Variants in RANGAP1 observed in about 807,000 individuals in gnomAD.
The protein encoded by RANGAP1 is Ran GTPase activating protein 1.
A neutral mutation model predicts 63.5 loss-of-function variants in RANGAP1; 38 were observed. That is an observed-to-expected ratio of 0.60 (90% CI 0.46 to 0.78). RANGAP1 has a LOEUF of 0.78. Among genes scored for constraint, RANGAP1 ranks in the 30% least tolerant of loss-of-function variants. The probability of loss-of-function intolerance (pLI) is 0.00; values close to 1 mark genes in which losing one functional copy is unlikely to be tolerated. For synonymous variants in RANGAP1, 329 were observed against 310.5 expected (o/e 1.06, Z -0.63); for missense variants, 630 against 740.3 (o/e 0.85, Z 1.73).
At chr22:41,287,643 GAGCA>G (rs2035785637), upstream of RANGAP1, among the ~76,000 whole-genome samples, 1 of 150,986 alleles carries the variant, frequency 6.6e-6, no homozygotes, top group Admixed American at 6.6e-5. Context: ...CCTGGCGACA[GAGCA>G]AGACCTTGTC....
chr22:41,299,524 G>A, the RANGAP1 span, among the ~76,000 whole-genome samples: 5 of 152,032 alleles, frequency 3.3e-5, no homozygotes, highest in African/African-American at 4.8e-5. Flanking sequence ...CTACCTTGGC[G>A]TCCCAAAGTG....
In RANGAP1 at chr22:41,268,166, AAAG is replaced by A. The variant is rs1278151654; in HGVS notation, c.241-13_241-11del. On this transcript the variant is annotated splice_polypyrimidine_tract_variant and intron_variant, in intron 3 of 15. Coordinates refer to ENST00000356244, the MANE Select transcript of RANGAP1 (RefSeq NM_002883.4). ...CACTCCAGTGGCAGCGCTGCAACGG[AAAG>A]AAGAGAAGAGTTAGCGGGAGAGAGA... 9.7e-6 allele frequency: 15 copies of A among 1,544,652 alleles called. No homozygotes were observed. The highest frequency in any genetic ancestry group is 2.4e-5 in the East Asian group (1 of 41,110).
At position 41,256,261 on chromosome 22, in the gene RANGAP1, CTT is replaced by C; in HGVS notation, c.916_917del (p.Lys306GlufsTer9). 2 of 1,614,144 alleles carry C rather than the reference CTT, an allele frequency of 1.2e-6. No homozygotes were observed. The highest frequency in any genetic ancestry group is 1.7e-6 in the Non-Finnish European group (2 of 1,180,026). ...CAGCAACAGCCAGGGCAGCATCCCT[CTT>C]GATTTCACAGAATGACAAGTTCAGC... ...KELNLSFCEI[K>X]RDAALAVAEA... On this transcript the variant is annotated frameshift_variant, in exon 9 of 16. Coordinates refer to ENST00000356244, the MANE Select transcript of RANGAP1 (RefSeq NM_002883.4). LOFTEE classifies it high-confidence loss of function.
At chr22:41,271,002 C>T (rs1368097002) in intron 3 of RANGAP1, among the ~76,000 whole-genome samples, 5 of 152,168 alleles carry the variant, frequency 3.3e-5, no homozygotes, top group Non-Finnish European at 5.9e-5. Flanking sequence ...TAGCTGACTC[C>T]AGCCATCACT....
chr22:41,272,578 T>C (rs1238744244), intron 3 of RANGAP1, among the ~76,000 whole-genome samples: 1 of 152,066 alleles, frequency 6.6e-6, no homozygotes, highest in Non-Finnish European at 1.5e-5. Context: ...TGGAGGGCAG[T>C]GGCGTGATCT....
chr22:41,256,917 C>A, intron 7 of RANGAP1, 93 bp from the exon 8 acceptor site: 2 of 859,938 alleles, frequency 2.3e-6, no homozygotes, highest in Non-Finnish European at 3.8e-6. Context: ...ACATCCCAAG[C>A]CAGCCACCAC....
intron 2 of RANGAP1, among the ~76,000 whole-genome samples, chr22:41,278,404 C>T (rs1353726586): frequency 6.6e-6 from 1 of 152,234 alleles, no homozygotes; most frequent in Admixed American, 6.5e-5. Context: ...CATACCACCT[C>T]CCTAAACCTC....
At chr22:41,281,796 C>CAA (rs1169052747) in intron 1 of RANGAP1, 1 of 259,746 alleles carries the variant, frequency 3.8e-6, no homozygotes, top group Non-Finnish European at 6.0e-6. Context: ...GTTGATAAGC[C>CAA]TCACTATTTA....
intron 5 of RANGAP1, among the ~76,000 whole-genome samples, chr22:41,262,316 G>A (rs115860804): frequency 0.019 from 2,878 of 152,268 alleles, 110 homozygotes; most frequent in African/African-American, 0.065. Flanking sequence ...TGGTAAATGC[G>A]ACATAAAAGA....
intron 3 of RANGAP1, among the ~76,000 whole-genome samples, chr22:41,271,468 G>C (rs895359095): frequency 1.3e-5 from 2 of 151,512 alleles, no homozygotes; most frequent in Non-Finnish European, 2.9e-5. Context: ...AGGCCGAGGC[G>C]GGCGGATCAC....
At chr22:41,297,450 C>T in the RANGAP1 span, among the ~76,000 whole-genome samples, 1 of 152,014 alleles carries the variant, frequency 6.6e-6, no homozygotes, top group Non-Finnish European at 1.5e-5. Flanking sequence ...TCTGGGCACC[C>T]TGTGGCCCAG....
upstream of RANGAP1, among the ~76,000 whole-genome samples, chr22:41,286,431 TCTCGCAGAGAC>T (rs1409197070): frequency 6.6e-6 from 1 of 152,166 alleles, no homozygotes. Context: ...TCTGGCTCTT[TCTCGCAGAGAC>T]CGCAGGGAGG....
At chr22:41,251,131 G>T (rs1396642266) in intron 12 of RANGAP1, 22 bp from the exon 13 acceptor site, 1 of 1,602,150 alleles carries the variant, frequency 6.2e-7, no homozygotes, top group Non-Finnish European at 8.5e-7. Context: ...AGAGACAATG[G>T]TTGGCCTGTG....
the RANGAP1 span, chr22:41,301,757 G>A: frequency 1.3e-5 from 2 of 152,056 alleles, no homozygotes; most frequent in Non-Finnish European, 2.9e-5. Flanking sequence ...CCCGCGGGGA[G>A]CGCAGCCCGG....
chr22:41,257,680 C>T lies in RANGAP1; in HGVS notation c.774+268G>A, dbSNP rs577900911. Among the ~76,000 whole-genome samples the T allele has an allele frequency of 1.8e-4, 28 of 152,244 alleles. No homozygotes were observed. Among genetic ancestry groups the T allele is most frequent in the Non-Finnish European group, 4.0e-4 (27 of 68,038 alleles). ...AGTCTGCTCCTGTGCAGCCTGAGAACAAACCAGCGGCAGCCGCTGGGGGCT... is the reference window on the plus strand; with the variant it reads ...AGTCTGCTCCTGTGCAGCCTGAGAATAAACCAGCGGCAGCCGCTGGGGGCT... On this transcript the variant is annotated intron_variant, in intron 7 of 15. Transcript: ENST00000356244. This position sits in a 1 kb window ranked among gnomAD's most constrained non-coding sequence, Gnocchi z 4.0.
At chr22:41,281,234 T>A (rs1201497207) in intron 1 of RANGAP1, 152 bp from the exon 2 acceptor site, 22 of 977,840 alleles carry the variant, frequency 2.2e-5, no homozygotes, top group Non-Finnish European at 3.0e-5. Context: ...GAAAACAGCA[T>A]CAGAGAAGGA....
In RANGAP1 at chr22:41,257,536, T is replaced by G. The variant is rs2235849; in HGVS notation, c.774+412A>C. On this transcript the variant is annotated intron_variant, in intron 7 of 15. Coordinates refer to ENST00000356244, the MANE Select transcript of RANGAP1 (RefSeq NM_002883.4). This position sits in a 1 kb window ranked among gnomAD's most constrained non-coding sequence, Gnocchi z 4.0. ...AGGCTGAGGTGGGAGGATCACTTGA[T>G]CCCAGAAGTTCAAGACCAGCTTGGG... Among the ~76,000 whole-genome samples the G allele has an allele frequency of 0.38, 57,218 of 152,072 alleles. 11,192 individuals are homozygous for G. The highest frequency in any genetic ancestry group is 0.53 in the Admixed American group (8,140 of 15,276).
At chr22:41,263,349 G>A (rs2034278964) in intron 5 of RANGAP1, among the ~76,000 whole-genome samples, 1 of 152,190 alleles carries the variant, frequency 6.6e-6, no homozygotes, top group Non-Finnish European at 1.5e-5. Context: ...TTTCTGTGCT[G>A]ACGCAAACGT....
chr22:41,268,996 T>C (rs950460280), intron 3 of RANGAP1, among the ~76,000 whole-genome samples: 1 of 152,238 alleles, frequency 6.6e-6, no homozygotes, highest in African/African-American at 2.4e-5. Context: ...AATAATTCAG[T>C]AACACTATTT....
Sources: allele counts gnomAD v4.1 joint callset (sites outside exome capture counted in the v4.1 genomes callset), GRCh38; gene constraint gnomAD v4.1.1; non-coding constraint Gnocchi (gnomAD v3.1); transcripts MANE v1.5; gene names NCBI Gene and HGNC (gene_info 2026-07-23, HGNC 2026-07-21).